TDRD5: variants seen among roughly 807,000 people sequenced by gnomAD.
TDRD5 encodes the protein tudor domain containing 5.
TDRD5 carries 41 observed loss-of-function variants against 120.6 expected under a neutral mutation model. That is an observed-to-expected ratio of 0.34 (90% CI 0.26 to 0.44). The LOEUF is 0.44. TDRD5 is among the 20% of genes least tolerant of loss of function. TDRD5 has a pLI of 1.00. For missense variants in TDRD5, 1,006 were observed against 1,221.2 expected, an observed-to-expected ratio of 0.82 and a Z score of 2.63; for synonymous variants, 430 against 433.7, an observed-to-expected ratio of 0.99 and a Z score of 0.11.
intron 14 of TDRD5, among the ~76,000 whole-genome samples, chr1:179,658,829 C>G (rs1353866506): frequency 2.0e-5 from 3 of 151,872 alleles, no homozygotes; most frequent in Non-Finnish European, 4.4e-5. Flanking sequence ...CTTTCTTTTT[C>G]TATTTCTTTA....
At chr1:179,605,471 T>A (rs542428486) in intron 4 of TDRD5, among the ~76,000 whole-genome samples, 25 of 152,306 alleles carry the variant, frequency 1.6e-4, no homozygotes, top group Admixed American at 1.6e-3. Flanking sequence ...TACCAGCACC[T>A]GTTCAGGAGG....
chr1:179,671,207 G>A (rs528318718), intron 17 of TDRD5, among the ~76,000 whole-genome samples: 14 of 152,230 alleles, frequency 9.2e-5, no homozygotes, highest in Admixed American at 5.9e-4. Context: ...TGGTCTATAT[G>A]TCTGTTTTTG....
chr1:179,636,456 T>C (rs1170291204), intron 9 of TDRD5, among the ~76,000 whole-genome samples: 1 of 152,240 alleles, frequency 6.6e-6, no homozygotes, highest in African/African-American at 2.4e-5. Flanking sequence ...GTGTAATTGC[T>C]GGCCCTGGTG....
chr1:179,655,266 C>G (rs1254707863), intron 14 of TDRD5, among the ~76,000 whole-genome samples: 1 of 152,112 alleles, frequency 6.6e-6, no homozygotes, highest in Non-Finnish European at 1.5e-5. Flanking sequence ...CAAACATAAC[C>G]TTTTTGTCCC....
chr1:179,634,405 C>T (rs1677642925), intron 7 of TDRD5, 52 bp from the exon 8 acceptor site: 3 of 1,554,474 alleles, frequency 1.9e-6, no homozygotes, highest in South Asian at 1.3e-5. Flanking sequence ...ATAGGCTGCT[C>T]TATTGGCCAT....
intron 7 of TDRD5, among the ~76,000 whole-genome samples, chr1:179,634,012 A>G (rs1677611440): frequency 6.6e-6 from 1 of 151,910 alleles, no homozygotes; most frequent in African/African-American, 2.4e-5. Flanking sequence ...TCTACTAAAA[A>G]TACAAGAAAT....
chr1:179,691,150 C>CTTGA lies in TDRD5; in HGVS notation c.*210_*213dup, dbSNP rs1681133480. On this transcript the variant is annotated 3_prime_UTR_variant, in exon 18 of 18. Transcript: ENST00000444136. ...ATATTTACTGTTAATCTTGATTTTT[C>CTTGA]TTGATTTTATTCTGTGTCATTTTGT... 1.7e-6 allele frequency: 1 copy of CTTGA among 579,852 alleles called. No homozygotes were observed. The highest frequency in any genetic ancestry group is 3.1e-5 in the South Asian group (1 of 31,754). The allele number at this position is 579,852 out of a possible 1,614,324, so 35.9% of individuals were successfully genotyped here.
At chr1:179,636,388 C>T (rs1677765319) in intron 9 of TDRD5, among the ~76,000 whole-genome samples, 1 of 152,134 alleles carries the variant, frequency 6.6e-6, no homozygotes, top group Non-Finnish European at 1.5e-5. Context: ...TTTTTATAGT[C>T]TATTATGTTA....
At chr1:179,615,514 T>C (rs753999100) in intron 4 of TDRD5, among the ~76,000 whole-genome samples, 1 of 152,180 alleles carries the variant, frequency 6.6e-6, no homozygotes, top group African/African-American at 2.4e-5. Context: ...GAATATAGCA[T>C]ATTTTATCAC....
rs144745735 is a variant in TDRD5, at chr1:179,677,955, A to G, written c.2860+8551A>G. 3.9e-5 allele frequency among the ~76,000 whole-genome samples: 6 copies of G among 152,216 alleles called. No homozygotes were observed. In the East Asian group the frequency reaches 1.2e-3, roughly 29 times the overall value. ...TCTCAGGCAGTGAGCAGGGCCATAGAGCTCCCAAGAGATTATGACCTTTGT... is the reference window on the plus strand; with the variant it reads ...TCTCAGGCAGTGAGCAGGGCCATAGGGCTCCCAAGAGATTATGACCTTTGT... On this transcript the variant is annotated intron_variant, in intron 17 of 17. Coordinates refer to ENST00000444136, the MANE Select transcript of TDRD5 (RefSeq NM_001199085.3).
At chr1:179,661,129 C>A (rs2147757569) in intron 14 of TDRD5, among the ~76,000 whole-genome samples, 1 of 152,206 alleles carries the variant, frequency 6.6e-6, no homozygotes, top group Non-Finnish European at 1.5e-5. Flanking sequence ...TAGTTTTCAG[C>A]AACTTGAGTA....
At chr1:179,637,169 GT>G (rs1677807050) in intron 9 of TDRD5, among the ~76,000 whole-genome samples, 5 of 152,106 alleles carry the variant, frequency 3.3e-5, no homozygotes. Context: ...AACATTCCAT[GT>G]TTTTAATTTG....
chr1:179,632,382 A>T (rs1417776403), intron 7 of TDRD5, among the ~76,000 whole-genome samples: 1 of 151,010 alleles, frequency 6.6e-6, no homozygotes, highest in Non-Finnish European at 1.5e-5. Flanking sequence ...ATGAGTGGTT[A>T]TGATGGACAG....
intron 11 of TDRD5, among the ~76,000 whole-genome samples, chr1:179,650,121 G>A (rs1678627495): frequency 6.6e-6 from 1 of 152,096 alleles, no homozygotes; most frequent in Admixed American, 6.6e-5. Context: ...TGTCCTGTTA[G>A]ACCATCTGGT....
In TDRD5 at chr1:179,635,722, C is replaced by T. The variant is rs763278183; in HGVS notation, c.1355C>T (p.Pro452Leu). 23 of 1,613,870 alleles carry T rather than the reference C, an allele frequency of 1.4e-5. No homozygotes were observed. In the East Asian group the frequency reaches 3.6e-4, roughly 25 times the overall value. Residue 452 changes from proline (P) to leucine (L), a missense_variant, in exon 9 of 18, where the codon CCG (proline) becomes CTG (leucine). Transcript: ENST00000444136. ...TTGGCAATGGCAAATCATGACATCC[C>T]GCCAGACGCTGTGCCGAACAAGAAA... is the stretch of plus-strand genomic sequence containing the variant. The part of the protein sequence containing the change: ...LNLAMANHDI[P>L]PDAVPNKKLC...
intron 17 of TDRD5, among the ~76,000 whole-genome samples, chr1:179,671,369 G>C (rs1247399269): frequency 6.6e-6 from 1 of 152,114 alleles, no homozygotes; most frequent in African/African-American, 2.4e-5. Context: ...TCTGCACAAA[G>C]CCTGCTAAGA....
intron 16 of TDRD5, among the ~76,000 whole-genome samples, chr1:179,668,652 A>T (rs950755187): frequency 1.3e-5 from 2 of 150,708 alleles, no homozygotes; most frequent in African/African-American, 4.9e-5. Context: ...CTGTTTGCTT[A>T]TGGGATGTGT....
chr1:179,664,422 A>G (rs10913852), intron 16 of TDRD5, among the ~76,000 whole-genome samples: 2,296 of 152,154 alleles, frequency 0.015, 68 homozygotes, highest in African/African-American at 0.052. Flanking sequence ...GAATATTTTC[A>G]TCACGCTCTC....
chr1:179,602,043 C>A (rs961368551), intron 4 of TDRD5, among the ~76,000 whole-genome samples: 6 of 152,172 alleles, frequency 3.9e-5, no homozygotes, highest in Admixed American at 3.3e-4. Flanking sequence ...TGAGCTCAGG[C>A]AGTCCACCCA....
Sources: gnomAD v4.1 joint callset for allele counts (sites outside exome capture counted in the v4.1 genomes callset) on GRCh38, gnomAD v4.1.1 for gene constraint, MANE v1.5 for transcripts, NCBI Gene and HGNC (gene_info 2026-07-23, HGNC 2026-07-21) for gene names.